The following FBXO16 variants were observed in gnomAD, a reference collection of about 807,000 sequenced individuals.
FBXO16 encodes F-box protein 16.
FBXO16 carries 31 observed loss-of-function variants against 41.0 expected under a neutral mutation model. The ratio of observed to expected loss-of-function variants is 0.76; its 90% CI spans 0.57 to 1.02. FBXO16 has a LOEUF of 1.02. Ranked by LOEUF, FBXO16 falls within the 50% of genes least tolerant of loss-of-function variation. The pLI, the probability that FBXO16 is intolerant of heterozygous loss-of-function variation, is 0.00. For synonymous variants in FBXO16, 133 were observed against 117.8 expected (o/e 1.13, Z -0.84); for missense variants, 361 against 346.2 (o/e 1.04, Z -0.34).
intron 4 of FBXO16, among the ~76,000 whole-genome samples, chr8:28,461,853 A>G (rs1167031509): frequency 6.6e-6 from 1 of 151,956 alleles, no homozygotes; most frequent in Non-Finnish European, 1.5e-5. Context: ...GAGGACTTTA[A>G]TAGTTTCCTT....
At chr8:28,430,632 G>A (rs1802591584) in intron 7 of FBXO16, among the ~76,000 whole-genome samples, 1 of 152,146 alleles carries the variant, frequency 6.6e-6, no homozygotes, top group African/African-American at 2.4e-5. Context: ...AAAATAAACA[G>A]GAAGCTTCCT....
At chr8:28,455,445 C>T (rs942329848) in intron 5 of FBXO16, among the ~76,000 whole-genome samples, 14 of 152,162 alleles carry the variant, frequency 9.2e-5, no homozygotes, top group African/African-American at 1.4e-4. Context: ...CTATGTTATA[C>T]GAGCTGGTCT....
chr8:28,461,594 A>G (rs774443446), intron 4 of FBXO16, among the ~76,000 whole-genome samples: 18 of 150,982 alleles, frequency 1.2e-4, no homozygotes, highest in Non-Finnish European at 2.1e-4. Context: ...AGAGCTCTTG[A>G]AAAAAAATAA....
intron 4 of FBXO16, among the ~76,000 whole-genome samples, chr8:28,460,245 A>ATATTTTTTTTT (rs1477457728): frequency 2.3e-5 from 2 of 85,482 alleles, no homozygotes; most frequent in African/African-American, 1.3e-4. Context: ...ATATATATAT[A>ATATTTTTTTTT]TTTTTTTTTT....
intron 3 of FBXO16, among the ~76,000 whole-genome samples, chr8:28,467,733 T>C (rs190818456): frequency 2.6e-5 from 4 of 152,284 alleles, no homozygotes; most frequent in Non-Finnish European, 5.9e-5. Context: ...TTAACACGAA[T>C]ATAAAAGAAC....
rs532445589 is a variant in FBXO16 at position 28,451,573 on chromosome 8, C to A, written c.740+671G>T. Reference sequence around the variant, plus strand: ...GTAAATATTTTATATATATATATTACAATCAGTAAATCTAATGAGTGTCAG... The same window carrying A: ...GTAAATATTTTATATATATATATTAAAATCAGTAAATCTAATGAGTGTCAG... On this transcript the variant is annotated intron_variant, in intron 6 of 8. Coordinates refer to ENST00000380254, the MANE Select transcript of FBXO16 (RefSeq NM_172366.4). Among the ~76,000 whole-genome samples the A allele has an allele frequency of 4.2e-3, 635 of 151,362 alleles. 4 individuals are homozygous for A. The highest frequency in any genetic ancestry group is 0.015 in the African/African-American group (605 of 41,342).
intron 3 of FBXO16, among the ~76,000 whole-genome samples, chr8:28,470,213 C>A (rs755702831): frequency 6.6e-6 from 1 of 151,898 alleles, no homozygotes; most frequent in African/African-American, 2.4e-5. Context: ...AAAATAAAGT[C>A]ATAATAATAA....
At chr8:28,448,258 T>C (rs542105263) in intron 6 of FBXO16, among the ~76,000 whole-genome samples, 2 of 150,628 alleles carry the variant, frequency 1.3e-5, no homozygotes, top group African/African-American at 4.9e-5. Flanking sequence ...GGAGGATCGC[T>C]TGAGCCCTGG....
At chr8:28,447,307 G>A (rs1802880467) in intron 6 of FBXO16, 34 bp from the exon 7 acceptor site, 2 of 1,569,678 alleles carry the variant, frequency 1.3e-6, no homozygotes, top group Admixed American at 1.7e-5. Flanking sequence ...AAATTACAAA[G>A]TATCTTTTTA....
rs1390072154 is a variant in FBXO16 at position 28,445,494 on chromosome 8, G to A, written c.843+1677C>T. On this transcript the variant is annotated intron_variant, in intron 7 of 8. Coordinates refer to ENST00000380254, the MANE Select transcript of FBXO16 (RefSeq NM_172366.4). ...CCTTCAAATTCCCCGTTCTCCCATG[G>A]ACTTCTCTTCCACTCCTTGCCTATC... 2.6e-5 allele frequency among the ~76,000 whole-genome samples: 4 copies of A among 152,130 alleles called. No individual in the cohort carries two copies. The East Asian group carries it at 7.7e-4, about 29-fold the overall frequency.
Position 28,463,585 on chromosome 8 carries a change from C to T in FBXO16, c.342+27G>A, listed in dbSNP as rs535394995. 96 of 1,610,242 alleles carry T rather than the reference C, an allele frequency of 6.0e-5. No homozygotes were observed. In the Admixed American group the frequency reaches 1.5e-3, roughly 26 times the overall value. On this transcript the variant is annotated intron_variant, in intron 4 of 8. Coordinates refer to ENST00000380254, the MANE Select transcript of FBXO16 (RefSeq NM_172366.4). Reference sequence around the variant, plus strand: ...GTTTCCTAAGGCTGTCCTCACAAAACACCACATACCCCTTCCTTGCCTTTA... The same window carrying T: ...GTTTCCTAAGGCTGTCCTCACAAAATACCACATACCCCTTCCTTGCCTTTA...
rs143719904 is a variant in FBXO16, at chr8:28,428,764, C to T, written c.870-28G>A. 193 of 1,486,142 alleles carry T rather than the reference C, an allele frequency of 1.3e-4. No homozygotes were observed. The African/African-American group carries it at 2.2e-3, about 17-fold the overall frequency. 92.1% of individuals were successfully genotyped at this position (1,486,142 alleles called of 1,614,324 possible). A position where few individuals can be genotyped will look rare whatever the true frequency, so the allele number is the denominator to read the frequency against. ...AGAAAGGAAAAAGGAATCATGAAAG[C>T]GAGGGTTATTGAAATACCAAGGGAG... On this transcript the variant is annotated intron_variant, in intron 8 of 8. Coordinates refer to ENST00000380254, the MANE Select transcript of FBXO16 (RefSeq NM_172366.4).
intron 1 of FBXO16, 138 bp downstream of exon 1, chr8:28,490,048 A>C (rs1391278644): frequency 1.3e-5 from 2 of 152,198 alleles, no homozygotes; most frequent in Non-Finnish European, 2.9e-5. Flanking sequence ...ACAAGTATGA[A>C]TATCTGGCGG....
At chr8:28,447,308 T>C (rs1451304455) in intron 6 of FBXO16, 35 bp from the exon 7 acceptor site, 3 of 1,568,472 alleles carry the variant, frequency 1.9e-6, no homozygotes, top group Non-Finnish European at 2.6e-6. Flanking sequence ...AATTACAAAG[T>C]ATCTTTTTAA....
At chr8:28,478,798 G>A (rs932819336) in intron 2 of FBXO16, among the ~76,000 whole-genome samples, 6 of 147,440 alleles carry the variant, frequency 4.1e-5, no homozygotes, top group Non-Finnish European at 8.9e-5. Context: ...CTCCAGCCTG[G>A]GCAACACAAT....
At chr8:28,440,230 G>A (rs1334992903) in intron 7 of FBXO16, among the ~76,000 whole-genome samples, 1 of 151,986 alleles carries the variant, frequency 6.6e-6, no homozygotes, top group Non-Finnish European at 1.5e-5. Context: ...AGCCTTCCAA[G>A]TGGCTGGGAC....
intron 1 of FBXO16, among the ~76,000 whole-genome samples, chr8:28,488,354 T>G (rs1344220858): frequency 7.2e-6 from 1 of 138,496 alleles, no homozygotes; most frequent in Non-Finnish European, 1.5e-5. Flanking sequence ...TGGAGGGCAG[T>G]GGTGTGATCA....
chr8:28,481,004 G>A (rs554851054), intron 2 of FBXO16, among the ~76,000 whole-genome samples: 38 of 152,300 alleles, frequency 2.5e-4, no homozygotes, highest in Admixed American at 1.6e-3. Context: ...GGAGGCGAGG[G>A]CGAGAGCACA....
At chr8:28,480,596 T>C (rs1349445327) in intron 2 of FBXO16, among the ~76,000 whole-genome samples, 1 of 152,068 alleles carries the variant, frequency 6.6e-6, no homozygotes, top group East Asian at 1.9e-4. Context: ...CTCCACCTCC[T>C]GGGTTCAAGT....
Sources: allele counts gnomAD v4.1 joint callset (sites outside exome capture counted in the v4.1 genomes callset), GRCh38; gene constraint gnomAD v4.1.1; transcripts MANE v1.5; gene names NCBI Gene and HGNC (gene_info 2026-07-23, HGNC 2026-07-21).